ERBIN: variants seen among roughly 807,000 people sequenced by gnomAD.
ERBIN encodes the protein erbb2 interacting protein.
Under a neutral mutation model 158.4 loss-of-function variants are expected in ERBIN, and 60 were observed. That is an observed-to-expected ratio of 0.38 (90% CI 0.31 to 0.47). The LOEUF (loss-of-function observed/expected upper bound fraction) is 0.47. Among genes scored for constraint, ERBIN ranks in the 20% least tolerant of loss-of-function variants. ERBIN has a pLI of 0.99. For missense variants in ERBIN, 1,610 were observed against 1,648.0 expected, an observed-to-expected ratio of 0.98 and a Z score of 0.40; for synonymous variants, 594 against 557.2, an observed-to-expected ratio of 1.07 and a Z score of -0.93.
At position 66,018,483 on chromosome 5, in the gene ERBIN, T is replaced by TC; in HGVS notation, c.534-2839_534-2838insC. 1.5e-4 allele frequency among the ~76,000 whole-genome samples: 2 copies of TC among 13,138 alleles called. 1 individual carries two copies. Among genetic ancestry groups the TC allele is most frequent in the South Asian group, 4.7e-3 (2 of 426 alleles). 8.6% of individuals were successfully genotyped at this position (13,138 alleles called of 152,430 possible). On this transcript the variant is annotated intron_variant, in intron 7 of 25. Transcript: ENST00000284037. Reference sequence around the variant, plus strand: ...ATTATATAATATATATTATATATTATATATTATATTATATAATATATATTA... The same window carrying TC: ...ATTATATAATATATATTATATATTATCATATTATATTATATAATATATATTA...
Position 66,014,681 on chromosome 5 carries a change from C to T in ERBIN, c.489C>T (p.Leu163=). Residue 163 remains leucine, a synonymous_variant, in exon 7 of 26, where the codon CTC becomes CTT. Transcript: ENST00000284037. ...LPANFGRLTK[L]QILELRENQL... is the part of the protein sequence containing the mutation. Reference sequence around the variant, plus strand: ...TTTTGTATTGCAGATTAACTAAACTCCAAATATTAGAGCTTAGAGAAAACC... The same window carrying T: ...TTTTGTATTGCAGATTAACTAAACTTCAAATATTAGAGCTTAGAGAAAACC... 7.0e-7 allele frequency: 1 copy of T among 1,429,812 alleles called. No individual in the cohort carries two copies. Among genetic ancestry groups the T allele is most frequent in the Non-Finnish European group, 9.5e-7 (1 of 1,054,224 alleles). 88.6% of individuals were successfully genotyped at this position (1,429,812 alleles called of 1,614,324 possible). A position where few individuals can be genotyped will look rare whatever the true frequency, so the allele number is the denominator to read the frequency against.
chr5:66,031,959 A>T (rs923063394), intron 14 of ERBIN, among the ~76,000 whole-genome samples: 10 of 152,108 alleles, frequency 6.6e-5, no homozygotes, highest in Non-Finnish European at 1.3e-4. Flanking sequence ...TTCCCACCCC[A>T]GCCTCCTGAG....
At position 66,079,359 on chromosome 5, in the gene ERBIN, T is replaced by C. The variant is rs1237828660; in HGVS notation, c.*829T>C. 1.3e-5 allele frequency: 2 copies of C among 152,152 alleles called. No individual in the cohort carries two copies. Among genetic ancestry groups the C allele is most frequent in the African/African-American group, 2.4e-5 (1 of 41,360 alleles). The allele number at this position is 152,152 out of a possible 1,614,324, so 9.4% of individuals were successfully genotyped here. On this transcript the variant is annotated 3_prime_UTR_variant, in exon 26 of 26. Transcript: ENST00000284037. Reference sequence around the variant, plus strand: ...GCATGTCCATGCATTTTCTGTGTTATGGAAATCCACTGATTTTTTTTTTTT... The same window carrying C: ...GCATGTCCATGCATTTTCTGTGTTACGGAAATCCACTGATTTTTTTTTTTT...
chr5:65,955,368 G>A (rs534858960), intron 1 of ERBIN, among the ~76,000 whole-genome samples: 32 of 152,014 alleles, frequency 2.1e-4, no homozygotes, highest in African/African-American at 6.5e-4. Flanking sequence ...GGTGGCTCAT[G>A]CCTGTAATCC....
chr5:66,046,232 T>G, intron 17 of ERBIN, 121 bp from the exon 18 acceptor site: 1 of 514,506 alleles, frequency 1.9e-6, no homozygotes, highest in East Asian at 3.2e-5. Context: ...GTTTAAAGTT[T>G]TCATGTTTGA....
chr5:66,018,553 T>TATATAA (rs1561381199), intron 7 of ERBIN, among the ~76,000 whole-genome samples: 1 of 7,288 alleles, frequency 1.4e-4, no homozygotes, highest in African/African-American at 9.3e-4. Flanking sequence ...ATATTATATA[T>TATATAA]TATATAATAT....
chr5:65,959,986 C>G (rs985374410), intron 1 of ERBIN, among the ~76,000 whole-genome samples: 4 of 152,174 alleles, frequency 2.6e-5, no homozygotes, highest in African/African-American at 9.6e-5. Flanking sequence ...ACATCAGTTC[C>G]ACTCCTAGGT....
chr5:65,954,710 A>C (rs1746890137), intron 1 of ERBIN, among the ~76,000 whole-genome samples: 1 of 152,154 alleles, frequency 6.6e-6, no homozygotes, highest in African/African-American at 2.4e-5. Context: ...ATTGAGTGTG[A>C]AACAATTTTA....
At chr5:66,062,080 A>G (rs1052659433) in intron 21 of ERBIN, among the ~76,000 whole-genome samples, 1 of 152,110 alleles carries the variant, frequency 6.6e-6, no homozygotes, top group African/African-American at 2.4e-5. Context: ...CCTGAATTTG[A>G]ATGTTGGCTT....
At chr5:66,014,156 C>A (rs1339208771) in intron 6 of ERBIN, among the ~76,000 whole-genome samples, 1 of 152,074 alleles carries the variant, frequency 6.6e-6, no homozygotes, top group Non-Finnish European at 1.5e-5. Context: ...AATTTTGTAG[C>A]CATCTTTTAT....
intron 8 of ERBIN, among the ~76,000 whole-genome samples, chr5:66,022,449 G>A (rs1314358337): frequency 1.3e-5 from 2 of 152,044 alleles, no homozygotes; most frequent in Non-Finnish European, 2.9e-5. Flanking sequence ...GTTACATCTG[G>A]GATTCTTATC....
At chr5:65,987,803 C>A (rs1351362291) in intron 1 of ERBIN, among the ~76,000 whole-genome samples, 1 of 150,608 alleles carries the variant, frequency 6.6e-6, no homozygotes, top group Admixed American at 6.6e-5. Flanking sequence ...TGAGATTGTA[C>A]CACTGTACTC....
rs1756253842 is a variant in ERBIN at position 66,026,358 on chromosome 5, A to G, written c.1077A>G (p.Thr359=). Residue 359 remains threonine (T), a synonymous_variant, in exon 13 of 26, where the codon ACA becomes ACG. Transcript: ENST00000284037. ...VLFLHSNKLE[T]LPEEMGDMQK... is the part of the protein sequence containing the mutation. ...TTCTCCATTCCAATAAACTTGAGAC[A>G]CTTCCAGAGGAAATGGGTGATATGC... 3.1e-6 allele frequency: 5 copies of G among 1,602,258 alleles called. No homozygotes were observed. Among genetic ancestry groups the G allele is most frequent in the Non-Finnish European group, 4.3e-6 (5 of 1,174,914 alleles).
At chr5:66,061,203 G>A (rs1222707853) in intron 21 of ERBIN, among the ~76,000 whole-genome samples, 2 of 152,136 alleles carry the variant, frequency 1.3e-5, no homozygotes, top group African/African-American at 4.8e-5. Flanking sequence ...GGTCCCTAAG[G>A]ACTTGCTTTA....
chr5:66,009,294 G>A (rs1325149955), intron 4 of ERBIN, among the ~76,000 whole-genome samples: 2 of 152,130 alleles, frequency 1.3e-5, no homozygotes, highest in Non-Finnish European at 2.9e-5. Flanking sequence ...ACAATTGTTC[G>A]TCGAAGAACT....
chr5:65,968,353 T>C (rs1461935150), intron 1 of ERBIN, among the ~76,000 whole-genome samples: 1 of 152,162 alleles, frequency 6.6e-6, no homozygotes, highest in Non-Finnish European at 1.5e-5. Flanking sequence ...TAAGATATAT[T>C]TGGCTTGTGT....
chr5:65,960,189 G>A (rs1247009318), intron 1 of ERBIN, among the ~76,000 whole-genome samples: 3 of 152,228 alleles, frequency 2.0e-5, no homozygotes, highest in African/African-American at 7.2e-5. Context: ...ATGATGAAAT[G>A]TATATGAATG....
intron 14 of ERBIN, among the ~76,000 whole-genome samples, chr5:66,031,977 G>A (rs552215928): frequency 1.3e-5 from 2 of 152,006 alleles, no homozygotes; most frequent in Non-Finnish European, 2.9e-5. Flanking sequence ...GAGTATCTGG[G>A]ATTATAGGCC....
intron 1 of ERBIN, among the ~76,000 whole-genome samples, chr5:65,940,779 A>G (rs1744886899): frequency 6.6e-6 from 1 of 151,588 alleles, no homozygotes. Flanking sequence ...GGAAGTGAGG[A>G]GCCCCTCTGC....
Sources: gnomAD v4.1 joint callset for allele counts (sites outside exome capture counted in the v4.1 genomes callset) on GRCh38, gnomAD v4.1.1 for gene constraint, MANE v1.5 for transcripts, NCBI Gene and HGNC (gene_info 2026-07-23, HGNC 2026-07-21) for gene names.